ACYP2: variants seen among roughly 807,000 people sequenced by gnomAD.
ACYP2 encodes acylphosphatase-2.
ACYP2 carries 12 observed loss-of-function variants against 11.2 expected under a neutral mutation model. The ratio of observed to expected loss-of-function variants is 1.08; its 90% CI spans 0.69 to 1.74. ACYP2 has a LOEUF of 1.74. Ranked by LOEUF, ACYP2 falls within the 40% of genes most tolerant of loss-of-function variation. The probability of loss-of-function intolerance (pLI) is 0.00; values close to 1 mark genes in which losing one functional copy is unlikely to be tolerated. For missense variants in ACYP2, 134 were observed against 101.9 expected, an observed-to-expected ratio of 1.31 and a Z score of -1.35; for synonymous variants, 43 against 32.2, an observed-to-expected ratio of 1.33 and a Z score of -1.13.
chr2:54,127,750 CAAA>C (rs3068999), intron 4 of ACYP2, among the ~76,000 whole-genome samples: 2,558 of 90,444 alleles, frequency 0.028, 48 homozygotes, highest in African/African-American at 0.084. Context: ...GAGACTGTCT[CAAA>C]AAAAAAAAAA....
At chr2:54,070,631 C>A (rs1676987309) in intron 4 of ACYP2, among the ~76,000 whole-genome samples, 1 of 152,104 alleles carries the variant, frequency 6.6e-6, no homozygotes, top group Admixed American at 6.6e-5. Flanking sequence ...CCAGGGAAAC[C>A]CTTCTTAACA....
intron 2 of ACYP2, among the ~76,000 whole-genome samples, chr2:53,980,230 G>A (rs1362277060): frequency 1.3e-5 from 2 of 152,058 alleles, no homozygotes; most frequent in Admixed American, 6.6e-5. Flanking sequence ...GAATGTGCCT[G>A]TAGTCCCAGC....
chr2:54,295,777 G>T (rs1009175802), intron 6 of ACYP2, among the ~76,000 whole-genome samples: 2 of 150,708 alleles, frequency 1.3e-5, no homozygotes, highest in Non-Finnish European at 3.0e-5. Flanking sequence ...TTTTGTGTGT[G>T]TGAGACAGAG....
At chr2:54,136,932 C>T (rs1315764521) in intron 5 of ACYP2, among the ~76,000 whole-genome samples, 4 of 151,934 alleles carry the variant, frequency 2.6e-5, no homozygotes, top group South Asian at 2.1e-4. Context: ...GCCGAGATGG[C>T]GCCACTGCAC....
intron 5 of ACYP2, among the ~76,000 whole-genome samples, chr2:54,136,884 G>A (rs1030625692): frequency 6.6e-6 from 1 of 152,142 alleles, no homozygotes; most frequent in African/African-American, 2.4e-5. Context: ...GCTGAGGCAG[G>A]AGAATCGCTT....
rs1448903575 is a variant in ACYP2, at chr2:54,019,325, G to C, written c.63-31633G>C. On this transcript the variant is annotated intron_variant, in intron 2 of 6. Coordinates refer to ENST00000607452, the MANE Select transcript of ACYP2 (RefSeq NM_001320586.2). ...ATCTTCAAGTTATCCTCCTGCCTCA[G>C]CTTCCTGAAGTGCTAGGATTACAGG... 2.0e-5 allele frequency among the ~76,000 whole-genome samples: 3 copies of C among 151,980 alleles called. No homozygotes were observed. In the East Asian group the frequency reaches 5.8e-4, roughly 29 times the overall value.
intron 6 of ACYP2, among the ~76,000 whole-genome samples, chr2:54,302,607 A>T (rs1009968988): frequency 2.4e-4 from 36 of 152,298 alleles, no homozygotes; most frequent in African/African-American, 7.7e-4. Context: ...CAAATTTTAT[A>T]TCCTCTAACC....
At chr2:54,032,405 T>C (rs1310141295) in intron 2 of ACYP2, among the ~76,000 whole-genome samples, 1 of 152,380 alleles carries the variant, frequency 6.6e-6, no homozygotes, top group South Asian at 2.1e-4. Context: ...TGTCTTGTTT[T>C]CATCAGGTTT....
chr2:54,030,180 C>T (rs1314948628), intron 2 of ACYP2, among the ~76,000 whole-genome samples: 2 of 152,156 alleles, frequency 1.3e-5, no homozygotes, highest in Admixed American at 6.5e-5. Flanking sequence ...ACCTTCAAGG[C>T]CTGTCTACTG....
At chr2:53,994,064 C>G (rs1672435351) in intron 2 of ACYP2, among the ~76,000 whole-genome samples, 1 of 151,840 alleles carries the variant, frequency 6.6e-6, no homozygotes, top group Non-Finnish European at 1.5e-5. Context: ...GGCGTAGTGG[C>G]TCACGCCTGT....
chr2:54,156,065 C>G (rs896486242), intron 6 of ACYP2, among the ~76,000 whole-genome samples: 5 of 151,990 alleles, frequency 3.3e-5, no homozygotes, highest in African/African-American at 1.2e-4. Context: ...GTTTTTGGTA[C>G]CTGACCTAGA....
chr2:54,054,784 A>G (rs1676033552), intron 3 of ACYP2, among the ~76,000 whole-genome samples: 1 of 152,212 alleles, frequency 6.6e-6, no homozygotes, highest in African/African-American at 2.4e-5. Context: ...AATACAAGAG[A>G]CTTCCTTCTA....
rs761880646 is a variant in ACYP2, at chr2:54,304,828, G to C, written c.*26G>C. 4.0e-5 allele frequency: 51 copies of C among 1,284,476 alleles called. No homozygotes were observed. Among genetic ancestry groups the C allele is most frequent in the Non-Finnish European group, 5.6e-5 (50 of 891,590 alleles). The allele number at this position is 1,284,476 out of a possible 1,614,324, so 79.6% of individuals were successfully genotyped here. A position where few individuals can be genotyped will look rare whatever the true frequency, so the allele number is the denominator to read the frequency against. ...TAGAAGAGAAAAATTGTAACACACT[G>C]AACAATAGATACTGTATGTTCTTAA... On this transcript the variant is annotated 3_prime_UTR_variant, in exon 7 of 7. Transcript: ENST00000607452.
intron 4 of ACYP2, among the ~76,000 whole-genome samples, chr2:54,117,067 G>A (rs886133283): frequency 2.0e-5 from 3 of 152,074 alleles, no homozygotes; most frequent in Non-Finnish European, 4.4e-5. Flanking sequence ...GAGGCGAGGA[G>A]AACGAGGAAG....
At chr2:54,162,827 A>C (rs536243122) in intron 6 of ACYP2, among the ~76,000 whole-genome samples, 1 of 152,030 alleles carries the variant, frequency 6.6e-6, no homozygotes, top group Non-Finnish European at 1.5e-5. Context: ...ACAACAACAA[A>C]AAATCAGAAA....
At chr2:54,073,579 A>G (rs950444523) in intron 4 of ACYP2, among the ~76,000 whole-genome samples, 1 of 152,222 alleles carries the variant, frequency 6.6e-6, no homozygotes, top group Non-Finnish European at 1.5e-5. Context: ...AGACACCACC[A>G]TCAAGAAAGT....
At chr2:54,035,358 C>A (rs1674838829) in intron 2 of ACYP2, among the ~76,000 whole-genome samples, 1 of 150,978 alleles carries the variant, frequency 6.6e-6, no homozygotes, top group African/African-American at 2.4e-5. Context: ...CTCCGCCTCC[C>A]GGGTTCACGC....
chr2:54,081,559 G>A (rs902801967), intron 4 of ACYP2, among the ~76,000 whole-genome samples: 1 of 152,176 alleles, frequency 6.6e-6, no homozygotes, highest in African/African-American at 2.4e-5. Context: ...CAGGTGTGGA[G>A]TAGGCTATAC....
chr2:54,053,106 G>C (rs1399003467), intron 3 of ACYP2, among the ~76,000 whole-genome samples: 1 of 152,226 alleles, frequency 6.6e-6, no homozygotes, highest in Non-Finnish European at 1.5e-5. Flanking sequence ...CCCCTGAAGA[G>C]CATGTTTTTA....
Sources: gnomAD v4.1 joint callset for allele counts (sites outside exome capture counted in the v4.1 genomes callset) on GRCh38, gnomAD v4.1.1 for gene constraint, MANE v1.5 for transcripts, NCBI Gene and HGNC (gene_info 2026-07-23, HGNC 2026-07-21) for gene names.